The following MACROD2 variants were observed in gnomAD, a reference collection of about 807,000 sequenced individuals.
The protein encoded by MACROD2 is mono-ADP ribosylhydrolase 2.
Under a neutral mutation model 70.4 loss-of-function variants are expected in MACROD2, and 36 were observed. The observed-to-expected ratio is 0.51, with a 90% CI of 0.39 to 0.68. MACROD2 has a LOEUF of 0.68. Ranked by LOEUF, MACROD2 falls within the 30% of genes least tolerant of loss-of-function variation. The pLI is 0.00. For synonymous variants in MACROD2, 172 were observed against 178.8 expected (o/e 0.96, Z 0.30); for missense variants, 496 against 538.4 (o/e 0.92, Z 0.78).
intron 3 of MACROD2, among the ~76,000 whole-genome samples, chr20:14,281,893 C>A (rs1436123448): frequency 6.8e-6 from 1 of 147,440 alleles, no homozygotes; most frequent in Non-Finnish European, 1.5e-5. Flanking sequence ...TGAGATCCCA[C>A]CACAGCACTC....
intron 4 of MACROD2, among the ~76,000 whole-genome samples, chr20:14,675,250 C>T (rs534590617): frequency 3.9e-5 from 6 of 152,164 alleles, no homozygotes; most frequent in East Asian, 1.9e-4. Context: ...GACACATAAT[C>T]GTCAGATTCG....
At chr20:15,318,379 T>C (rs1158325389) in intron 6 of MACROD2, among the ~76,000 whole-genome samples, 1 of 152,108 alleles carries the variant, frequency 6.6e-6, no homozygotes, top group Non-Finnish European at 1.5e-5. Flanking sequence ...ATGGTTTTAC[T>C]GGTGAATCTA....
At chr20:14,754,775 G>T (rs1043605452) in intron 5 of MACROD2, among the ~76,000 whole-genome samples, 1 of 146,962 alleles carries the variant, frequency 6.8e-6, no homozygotes, top group Non-Finnish European at 1.5e-5. Flanking sequence ...CTTGCATGTG[G>T]GATATTTTTA....
chr20:15,280,403 G>C (rs1002119622), intron 6 of MACROD2, among the ~76,000 whole-genome samples: 1 of 152,128 alleles, frequency 6.6e-6, no homozygotes, highest in Admixed American at 6.5e-5. Flanking sequence ...AGACATCTCA[G>C]TTAAGCATTT....
At chr20:14,219,633 T>C (rs2081652697) in intron 3 of MACROD2, among the ~76,000 whole-genome samples, 1 of 152,352 alleles carries the variant, frequency 6.6e-6, no homozygotes, top group East Asian at 1.9e-4. Flanking sequence ...GTTGGTTTTC[T>C]GGTGCCTTCT....
chr20:15,058,666 T>C (rs2075507009), intron 5 of MACROD2, among the ~76,000 whole-genome samples: 1 of 152,188 alleles, frequency 6.6e-6, no homozygotes, highest in Non-Finnish European at 1.5e-5. Context: ...ACTACAACAT[T>C]ATTTTTCCAT....
At chr20:14,426,354 G>T (rs561696110) in intron 3 of MACROD2, among the ~76,000 whole-genome samples, 1 of 151,354 alleles carries the variant, frequency 6.6e-6, no homozygotes, top group Non-Finnish European at 1.5e-5. Flanking sequence ...TTTAGTAAAA[G>T]TATTTTGTTT....
At chr20:14,156,606 TA>T (rs2055107919) in intron 3 of MACROD2, among the ~76,000 whole-genome samples, 1 of 152,234 alleles carries the variant, frequency 6.6e-6, no homozygotes, top group South Asian at 2.1e-4. Context: ...TTACAGATTT[TA>T]AAGTTGCTTT....
At chr20:15,760,399 G>A (rs1037268483) in intron 8 of MACROD2, among the ~76,000 whole-genome samples, 2 of 152,174 alleles carry the variant, frequency 1.3e-5, no homozygotes, top group East Asian at 1.9e-4. Flanking sequence ...GTGCAGCTTC[G>A]GCAGACAGCT....
At chr20:14,260,021 T>C (rs940930368) in intron 3 of MACROD2, among the ~76,000 whole-genome samples, 4 of 152,218 alleles carry the variant, frequency 2.6e-5, no homozygotes, top group South Asian at 2.1e-4. Context: ...GCATGAAAGA[T>C]AGTGTGTCAT....
At position 15,238,242 on chromosome 20, in the gene MACROD2, G is replaced by A. The variant is rs2077031447; in HGVS notation, c.540+8181G>A. On this transcript the variant is annotated intron_variant, in intron 6 of 17. Transcript: ENST00000684519. ...CAAATTATCTGCTTCTTTAAGCATA[G>A]TGTGATATAGATGTCATAAAAATGG... Among the ~76,000 whole-genome samples, 2 of 152,098 alleles carry A rather than the reference G, an allele frequency of 1.3e-5. 1 individual carries two copies. The highest frequency in any genetic ancestry group is 2.9e-5 in the Non-Finnish European group (2 of 68,016).
chr20:15,906,192 G>A (rs752506684), intron 10 of MACROD2, among the ~76,000 whole-genome samples: 2 of 152,182 alleles, frequency 1.3e-5, no homozygotes, highest in African/African-American at 4.8e-5. Context: ...CCACCCTTGG[G>A]AGAACCTCTC....
At chr20:14,017,138 A>G (rs1053342864) in intron 2 of MACROD2, among the ~76,000 whole-genome samples, 3 of 152,042 alleles carry the variant, frequency 2.0e-5, no homozygotes, top group Admixed American at 6.6e-5. Context: ...TAATTTTCTT[A>G]TCAATGTTCA....
At chr20:15,288,307 TGTC>T (rs2077510031) in intron 6 of MACROD2, among the ~76,000 whole-genome samples, 6 of 152,216 alleles carry the variant, frequency 3.9e-5, no homozygotes, top group African/African-American at 1.4e-4. Context: ...TCAGGCAGGC[TGTC>T]TCCATGGTGA....
chr20:15,058,812 A>G (rs1267537535), intron 5 of MACROD2, among the ~76,000 whole-genome samples: 1 of 152,244 alleles, frequency 6.6e-6, no homozygotes. Context: ...CATTTAGTAC[A>G]TTAAAAAAAT....
At chr20:14,404,579 A>G (rs1392150003) in intron 3 of MACROD2, among the ~76,000 whole-genome samples, 2 of 143,540 alleles carry the variant, frequency 1.4e-5, no homozygotes, top group African/African-American at 5.0e-5. Flanking sequence ...CCGGGGTGAC[A>G]AAGTGAGACC....
At chr20:14,004,590 G>T (rs1300486472) in intron 2 of MACROD2, among the ~76,000 whole-genome samples, 1 of 151,808 alleles carries the variant, frequency 6.6e-6, no homozygotes, top group Non-Finnish European at 1.5e-5. Context: ...ACTTTTTCTT[G>T]TGTTACCTAT....
At chr20:15,535,854 C>T (rs139343594) in intron 8 of MACROD2, among the ~76,000 whole-genome samples, 1 of 152,146 alleles carries the variant, frequency 6.6e-6, no homozygotes, top group Non-Finnish European at 1.5e-5. Flanking sequence ...GAAATCATCC[C>T]TAAACAATGC....
chr20:14,534,608 G>A (rs911512356), intron 4 of MACROD2, among the ~76,000 whole-genome samples: 1 of 152,222 alleles, frequency 6.6e-6, no homozygotes, highest in Non-Finnish European at 1.5e-5. Context: ...GCATTTCAAT[G>A]TGTAGCATTT....
Sources: gnomAD v4.1 joint callset for allele counts (sites outside exome capture counted in the v4.1 genomes callset) on GRCh38, gnomAD v4.1.1 for gene constraint, MANE v1.5 for transcripts, NCBI Gene and HGNC (gene_info 2026-07-23, HGNC 2026-07-21) for gene names.